The following CRB2 variants were observed in gnomAD, a reference collection of about 807,000 sequenced individuals.
CRB2 encodes the protein crumbs cell polarity complex component 2, also known as protein crumbs homolog 2.
CRB2 carries 85 observed loss-of-function variants against 110.9 expected under a neutral mutation model. The observed-to-expected ratio is 0.77, with a 90% CI of 0.64 to 0.92. The LOEUF is 0.92. CRB2 is among the 40% of genes least tolerant of loss of function. CRB2 has a pLI of 0.00. For missense variants in CRB2, 1,843 were observed against 1,851.3 expected, an observed-to-expected ratio of 1.00 and a Z score of 0.08; for synonymous variants, 907 against 831.0, an observed-to-expected ratio of 1.09 and a Z score of -1.57.
At position 123,365,938 on chromosome 9, in the gene CRB2, T is replaced by C; in HGVS notation, c.440T>C (p.Val147Ala). The C allele has an allele frequency of 6.3e-7, 1 of 1,596,218 alleles. No homozygotes were observed. The highest frequency in any genetic ancestry group is 8.5e-7 in the Non-Finnish European group (1 of 1,178,602). ...CCAGGCGTGACCTGCGAGATGGAGG[T>C]GGACGAGTGCGCCTCAGCGCCCTGC... ...GYAGVTCEME[V>A]DECASAPCLH... The change falls in exon 3 of 13, where the codon GTG (valine) becomes GCG (alanine). Residue 147 changes from valine to alanine, a missense_variant. Val to Ala is a moderately conservative substitution (Grantham distance 64). Transcript: ENST00000373631.
In CRB2 at chr9:123,371,464, C is replaced by A; in HGVS notation, c.2322C>A (p.Gly774=). 1 of 1,613,218 alleles carries A rather than the reference C, an allele frequency of 6.2e-7. No individual in the cohort carries two copies. Among genetic ancestry groups the A allele is most frequent in the South Asian group, 1.1e-5 (1 of 91,086 alleles). The part of the protein sequence containing the change: ...RGCLQDLRLD[G]CHLPFFPLPL... ...GCCTCCAGGACCTGCGACTCGATGG[C>A]TGCCACCTCCCCTTCTTTCCTCTGC... Residue 774 remains glycine (G), a synonymous_variant, in exon 8 of 13, where the codon GGC becomes GGA. Coordinates refer to ENST00000373631, the MANE Select transcript of CRB2 (RefSeq NM_173689.7).
In CRB2 at chr9:123,369,184, T is replaced by C. The variant is rs537011107; in HGVS notation, c.1055-924T>C. On this transcript the variant is annotated intron_variant, in intron 6 of 12. Coordinates refer to ENST00000373631, the MANE Select transcript of CRB2 (RefSeq NM_173689.7). Reference sequence around the variant, plus strand: ...CCTAGAGGGAGGATGAGGCAGCCCCTTCACAGCCAGTGTGGGGGCCCTGGG... The same window carrying C: ...CCTAGAGGGAGGATGAGGCAGCCCCCTCACAGCCAGTGTGGGGGCCCTGGG... 2.6e-5 allele frequency among the ~76,000 whole-genome samples: 4 copies of C among 151,942 alleles called. No individual in the cohort carries two copies. In the East Asian group the frequency reaches 7.8e-4, roughly 29 times the overall value.
chr9:123,365,550 CTCT>C (rs1242929984), intron 2 of CRB2, among the ~76,000 whole-genome samples: 2 of 152,218 alleles, frequency 1.3e-5, no homozygotes, highest in African/African-American at 4.8e-5. Context: ...CTTCAAAAGC[CTCT>C]TCTTCTAGGA....
At position 123,371,303 on chromosome 9, in the gene CRB2, T is replaced by A. The variant is rs2042012939; in HGVS notation, c.2161T>A (p.Trp721Arg). Residue 721 changes from tryptophan to arginine, a missense_variant, in exon 8 of 13, where the codon TGG becomes AGG. By Grantham distance (101) the Trp-to-Arg change is moderately radical (BLOSUM62 -3). Transcript: ENST00000373631. Reference protein sequence around the residue: ...GSPAVVLPGRWDDGLRHLVML... With the variant: ...GSPAVVLPGRRDDGLRHLVML... ...TCCTGCTGTAGTGCTCCCTGGGCGC[T>A]GGGATGATGGGCTCCGTCACCTGGT... The A allele has an allele frequency of 1.2e-6, 2 of 1,612,318 alleles. No individual in the cohort carries two copies. Among genetic ancestry groups the A allele is most frequent in the Non-Finnish European group, 1.7e-6 (2 of 1,178,960 alleles).
At chr9:123,372,571 G>A (rs2042032370) in intron 9 of CRB2, among the ~76,000 whole-genome samples, 1 of 152,244 alleles carries the variant, frequency 6.6e-6, no homozygotes, top group Non-Finnish European at 1.5e-5. Flanking sequence ...GATATTTTAT[G>A]GAGTGGCATA....
chr9:123,367,102 C>T lies in CRB2; in HGVS notation c.755-70C>T, dbSNP rs28647836. On this transcript the variant is annotated intron_variant, in intron 4 of 12. Coordinates refer to ENST00000373631, the MANE Select transcript of CRB2 (RefSeq NM_173689.7). The stretch of plus-strand genomic sequence containing the variant: ...GCGGTCCCTTGCTGGCCCTCGCTAG[C>T]CTGGTCATAGTGAAGAGGTGCTGCC... 6 of 1,466,406 alleles carry T rather than the reference C, an allele frequency of 4.1e-6. No homozygotes were observed. The Admixed American group carries it at 1.4e-4, about 35-fold the overall frequency. 90.8% of individuals were successfully genotyped at this position (1,466,406 alleles called of 1,614,324 possible). A position where few individuals can be genotyped will look rare whatever the true frequency, so the allele number is the denominator to read the frequency against.
chr9:123,374,963 G>C (rs986794981), intron 11 of CRB2, among the ~76,000 whole-genome samples: 1 of 152,226 alleles, frequency 6.6e-6, no homozygotes, highest in Non-Finnish European at 1.5e-5. Flanking sequence ...TCTGGGCCCT[G>C]CAGACAGTGG....
intron 1 of CRB2, among the ~76,000 whole-genome samples, chr9:123,356,713 G>C (rs1032274481): frequency 6.6e-6 from 1 of 152,042 alleles, no homozygotes; most frequent in Non-Finnish European, 1.5e-5. Flanking sequence ...GTTTCTAGGG[G>C]CTGAGTTTGG....
At chr9:123,359,436 GTTTTGTTT>G (rs2041837223) in intron 1 of CRB2, among the ~76,000 whole-genome samples, 3 of 62,420 alleles carry the variant, frequency 4.8e-5, no homozygotes, top group South Asian at 6.9e-4. Flanking sequence ...TTTCGTTTTT[GTTTTGTTT>G]TTTTTTTTTT....
At chr9:123,363,436 G>A (rs1475795342) in intron 2 of CRB2, among the ~76,000 whole-genome samples, 1 of 152,194 alleles carries the variant, frequency 6.6e-6, no homozygotes, top group Admixed American at 6.5e-5. Flanking sequence ...TGTGATTTCA[G>A]TCCAGCCTAG....
rs202133148 is a variant in CRB2, at chr9:123,373,564, C to T, written c.3033C>T (p.Thr1011=). The T allele has an allele frequency of 1.3e-4, 184 of 1,471,402 alleles. 1 individual carries two copies. In the East Asian group the frequency reaches 4.8e-3, roughly 39 times the overall value. 91.1% of individuals were successfully genotyped at this position (1,471,402 alleles called of 1,614,324 possible). A position where few individuals can be genotyped will look rare whatever the true frequency, so the allele number is the denominator to read the frequency against. ...AVRILLAENF[T]GCLGRVALGG... ...GCATCCTGCTGGCTGAGAACTTCAC[C>T]GGCTGCTTGGGCCGCGTGGCGCTGG... The change falls in exon 10 of 13, where the codon ACC becomes ACT. Residue 1011 remains threonine (T), a synonymous_variant. Coordinates refer to ENST00000373631, the MANE Select transcript of CRB2 (RefSeq NM_173689.7).
chr9:123,362,051 C>T (rs1416717744), intron 1 of CRB2, among the ~76,000 whole-genome samples: 1 of 152,200 alleles, frequency 6.6e-6, no homozygotes, highest in East Asian at 1.9e-4. Context: ...TGCTCTGTAC[C>T]ATGCGACCTT....
upstream of CRB2, among the ~76,000 whole-genome samples, chr9:123,355,496 C>T (rs2041786952): frequency 6.6e-6 from 1 of 151,066 alleles, no homozygotes; most frequent in South Asian, 2.1e-4. Context: ...AGGCAGGGAC[C>T]ACCGTGGTGC....
chr9:123,372,988 CT>C lies in CRB2; in HGVS notation c.2603-145del, dbSNP rs1383539112. The C allele has an allele frequency of 1.7e-4, 107 of 627,468 alleles. No individual in the cohort carries two copies. The South Asian group carries it at 2.3e-3, about 14-fold the overall frequency. The allele number at this position is 627,468 out of a possible 1,614,324, so 38.9% of individuals were successfully genotyped here. On this transcript the variant is annotated intron_variant, in intron 9 of 12. Coordinates refer to ENST00000373631, the MANE Select transcript of CRB2 (RefSeq NM_173689.7). ...GTAGAAGTGAGGGTGGTGGGGGCGG[CT>C]GCAGTTTCCAGGATTAGATGATAGG...
chr9:123,359,692 C>T (rs1421734938), intron 1 of CRB2, among the ~76,000 whole-genome samples: 1 of 152,086 alleles, frequency 6.6e-6, no homozygotes, highest in Non-Finnish European at 1.5e-5. Context: ...TGAAGTGATC[C>T]TCCCACCTCA....
At chr9:123,378,828 TTTTTG>T (rs1277823897), downstream of CRB2, 1 of 127,272 alleles carries the variant, frequency 7.9e-6, no homozygotes, top group Admixed American at 8.1e-5. Flanking sequence ...TTTTTTTTTT[TTTTTG>T]AGATGGAGTC....
At chr9:123,369,393 C>T (rs1196785827) in intron 6 of CRB2, among the ~76,000 whole-genome samples, 2 of 152,172 alleles carry the variant, frequency 1.3e-5, no homozygotes, top group East Asian at 1.9e-4. Context: ...ACTTTTAATA[C>T]AGGGTTCTGG....
rs1456851543 is a variant in CRB2 at position 123,359,438 on chromosome 9, TTTG to T, written c.94+3087_94+3089del. ...TTTGTTTGTGGTTTTTCGTTTTTGT[TTTG>T]TTTTTTTTTTTTTTTTTTTTTTTTT... On this transcript the variant is annotated intron_variant, in intron 1 of 12. Transcript: ENST00000373631. 1.2e-3 allele frequency among the ~76,000 whole-genome samples: 74 copies of T among 64,272 alleles called. 4 individuals carry two copies. The highest frequency in any genetic ancestry group is 1.7e-3 in the Non-Finnish European group (49 of 29,424). The allele number at this position is 64,272 out of a possible 152,430, so 42.2% of individuals were successfully genotyped here.
Position 123,372,219 on chromosome 9 carries a change from A to G in CRB2, c.2479A>G (p.Asn827Asp). Residue 827 changes from asparagine (N) to aspartate (D), a missense_variant, in exon 9 of 13, where the codon AAT becomes GAT. Transcript: ENST00000373631. ...TGGTGGGACTTGCCTCGTCACCTGG[A>G]ATGACTTCCACTGTACCTGCCCTGC... ...FNGGTCLVTW[N>D]DFHCTCPANF... The G allele has an allele frequency of 6.2e-7, 1 of 1,614,038 alleles. No individual in the cohort carries two copies. Among genetic ancestry groups the G allele is most frequent in the Non-Finnish European group, 8.5e-7 (1 of 1,180,014 alleles).
Sources: gnomAD v4.1 joint callset for allele counts (sites outside exome capture counted in the v4.1 genomes callset) on GRCh38, gnomAD v4.1.1 for gene constraint, MANE v1.5 for transcripts, NCBI Gene and HGNC (gene_info 2026-07-23, HGNC 2026-07-21) for gene names.